The following LRIF1 variants were observed in gnomAD, a reference collection of about 807,000 sequenced individuals.
LRIF1 encodes ligand-dependent nuclear receptor-interacting factor 1.
LRIF1 carries 32 observed loss-of-function variants against 52.7 expected under a neutral mutation model. The ratio of observed to expected loss-of-function variants is 0.61; its 90% CI spans 0.46 to 0.82. LRIF1 has a LOEUF of 0.82. Ranked by LOEUF, LRIF1 falls within the 40% of genes least tolerant of loss-of-function variation. The probability of loss-of-function intolerance (pLI) is 0.00; values close to 1 mark genes in which losing one functional copy is unlikely to be tolerated. For missense variants in LRIF1, 887 were observed against 892.0 expected (o/e 0.99, Z 0.07); for synonymous variants, 323 against 317.4 (o/e 1.02, Z -0.19).
rs144593529 is a variant in LRIF1, at chr1:110,963,023, A to G, written c.68+598T>C. On this transcript the variant is annotated intron_variant, in intron 1 of 3. Transcript: ENST00000369763. Reference sequence around the variant, plus strand: ...TCCTCATGCCAAATATAAATAGCCAATGAAATGGCACTTCATTACACCCTA... The same window carrying G: ...TCCTCATGCCAAATATAAATAGCCAGTGAAATGGCACTTCATTACACCCTA... Among the ~76,000 whole-genome samples, 23 of 152,316 alleles carry G rather than the reference A, an allele frequency of 1.5e-4. 2 individuals carry two copies. Among genetic ancestry groups the G allele is most frequent in the African/African-American group, 4.3e-4 (18 of 41,572 alleles).
At chr1:110,920,795 A>G in the LRIF1 span, among the ~76,000 whole-genome samples, 4 of 152,332 alleles carry the variant, frequency 2.6e-5, no homozygotes, top group East Asian at 5.8e-4. Flanking sequence ...AAAGGCATAT[A>G]TAGAAAATTC....
downstream of LRIF1, chr1:110,943,443 A>G (rs1344965457): frequency 6.6e-6 from 1 of 152,150 alleles, no homozygotes; most frequent in East Asian, 1.9e-4. Flanking sequence ...GAAAAATAAA[A>G]AAGGAGGCTA....
chr1:110,952,033 G>A lies in LRIF1; in HGVS notation c.851C>T (p.Ser284Phe), dbSNP rs774354049. Residue 284 changes from serine to phenylalanine, a missense_variant, in exon 2 of 4, where the codon TCT becomes TTT. Coordinates refer to ENST00000369763, the MANE Select transcript of LRIF1 (RefSeq NM_018372.4). ...TETQLKGGQH[S>F]QAAPVKWIFQ... ...AATCCATTTCACTGGAGCAGCTTGA[G>A]AATGCTGACCACCTTTCAATTGTGT... 3.1e-6 allele frequency: 5 copies of A among 1,614,070 alleles called. No individual in the cohort carries two copies. In the Admixed American group the frequency reaches 6.7e-5, roughly 22 times the overall value.
chr1:110,904,012 T>TG, the LRIF1 span, among the ~76,000 whole-genome samples: 1 of 152,148 alleles, frequency 6.6e-6, no homozygotes, highest in Middle Eastern at 3.2e-3. Context: ...TGGCTTGTGG[T>TG]GGTAGTGGCT....
At position 110,952,012 on chromosome 1, in the gene LRIF1, C is replaced by A; in HGVS notation, c.872G>T (p.Trp291Leu). The change falls in exon 2 of 4, where the codon TGG becomes TTG. Residue 291 changes from tryptophan (W) to leucine (L), a missense_variant. By Grantham distance (61) the Trp-to-Leu change is moderately conservative. Transcript: ENST00000369763. ...GQHSQAAPVK[W>L]IFQDNLQPFT... Reference sequence around the variant, plus strand: ...AGGCTGTAGATTATCTTGGAAAATCCATTTCACTGGAGCAGCTTGAGAATG... The same window carrying A: ...AGGCTGTAGATTATCTTGGAAAATCAATTTCACTGGAGCAGCTTGAGAATG... 1 of 1,614,108 alleles carries A rather than the reference C, an allele frequency of 6.2e-7. No homozygotes were observed. Among genetic ancestry groups the A allele is most frequent in the Non-Finnish European group, 8.5e-7 (1 of 1,180,000 alleles).
chr1:110,952,100 T>A lies in LRIF1; in HGVS notation c.784A>T (p.Ile262Leu). The part of the protein sequence containing the change: ...KPVTEIAKPV[I>L]LNTTQIPKNV... ...TTTGGAATTTGTGTGGTATTTAGTA[T>A]TACTGGCTTTGCTATTTCTGTAACA... Residue 262 changes from isoleucine (I) to leucine (L), a missense_variant, in exon 2 of 4, where the codon ATA (isoleucine) becomes TTA (leucine). Physicochemically the swap from Ile to Leu is conservative, Grantham distance 5. Transcript: ENST00000369763. 6.2e-7 allele frequency: 1 copy of A among 1,614,216 alleles called. No individual in the cohort carries two copies. Among genetic ancestry groups the A allele is most frequent in the Middle Eastern group, 1.6e-4 (1 of 6,062 alleles).
the LRIF1 span, among the ~76,000 whole-genome samples, chr1:110,889,711 TAGGAAGAA>T: frequency 1.3e-5 from 2 of 152,130 alleles, no homozygotes; most frequent in Non-Finnish European, 2.9e-5. Context: ...CCGTTTTACA[TAGGAAGAA>T]ATTGTGACTG....
the LRIF1 span, chr1:110,895,136 T>C: frequency 4.8e-5 from 50 of 1,051,486 alleles, 1 homozygote; most frequent in Non-Finnish European, 6.2e-5. Context: ...TTCCTTTTTC[T>C]GGAAGTTTCA....
the LRIF1 span, among the ~76,000 whole-genome samples, chr1:110,904,958 CAA>C: frequency 6.6e-6 from 1 of 152,088 alleles, no homozygotes; most frequent in African/African-American, 2.4e-5. Context: ...TAAAAAGAAT[CAA>C]ATTCTGGAGC....
chr1:110,932,573 C>A, the LRIF1 span, among the ~76,000 whole-genome samples: 179 of 152,106 alleles, frequency 1.2e-3, 1 homozygote, highest in Admixed American at 2.6e-3. Context: ...TTACCTTGGG[C>A]AATACGGCCA....
the LRIF1 span, among the ~76,000 whole-genome samples, chr1:110,913,480 TG>T: frequency 6.6e-6 from 1 of 152,200 alleles, no homozygotes; most frequent in African/African-American, 2.4e-5. Context: ...CCATTAAAAA[TG>T]GACAAAGTAT....
At chr1:110,884,327 C>A in the LRIF1 span, among the ~76,000 whole-genome samples, 3 of 151,992 alleles carry the variant, frequency 2.0e-5, no homozygotes, top group Non-Finnish European at 4.4e-5. Context: ...AGGGATATTT[C>A]TGTTATTGAT....
chr1:110,951,993 T>C lies in LRIF1; in HGVS notation c.891A>G (p.Leu297=), dbSNP rs1391743308. ...APVKWIFQDN[L]QPFTPSLVPV... ...GAACAAGAGATGGCGTAAAAGGCTG[T>C]AGATTATCTTGGAAAATCCATTTCA... The change falls in exon 2 of 4, where the codon CTA becomes CTG. Residue 297 remains leucine (L), a synonymous_variant. Coordinates refer to ENST00000369763, the MANE Select transcript of LRIF1 (RefSeq NM_018372.4). 5.5e-5 allele frequency: 88 copies of C among 1,614,216 alleles called. No homozygotes were observed. Among genetic ancestry groups the C allele is most frequent in the Non-Finnish European group, 7.2e-5 (85 of 1,180,026 alleles).
chr1:110,932,947 AG>A, the LRIF1 span, among the ~76,000 whole-genome samples: 1 of 152,186 alleles, frequency 6.6e-6, no homozygotes, highest in African/African-American at 2.4e-5. Flanking sequence ...TAGATTAAAA[AG>A]TTTCCCTCTT....
At chr1:110,905,105 T>TA in the LRIF1 span, among the ~76,000 whole-genome samples, 1 of 151,636 alleles carries the variant, frequency 6.6e-6, no homozygotes, top group Non-Finnish European at 1.5e-5. Flanking sequence ...AAAAAAAGAA[T>TA]AAAAAACAAG....
chr1:110,955,706 C>A (rs1658667751), intron 1 of LRIF1, among the ~76,000 whole-genome samples: 1 of 152,176 alleles, frequency 6.6e-6, no homozygotes. Flanking sequence ...AGCAAGTAGA[C>A]AACTCTTTTT....
chr1:110,955,476 A>G lies in LRIF1; in HGVS notation c.69-2661T>C, dbSNP rs116817487. On this transcript the variant is annotated intron_variant, in intron 1 of 3. Coordinates refer to ENST00000369763, the MANE Select transcript of LRIF1 (RefSeq NM_018372.4). ...TAAAACATTGCAGTGGCCTTCCATT[A>G]TTCTTAGAGTCGTAGGAAGAAAACC... Among the ~76,000 whole-genome samples the G allele has an allele frequency of 2.0e-3, 307 of 152,322 alleles. 1 individual carries two copies. The highest frequency in any genetic ancestry group is 7.0e-3 in the African/African-American group (291 of 41,582).
At chr1:110,957,893 C>T (rs1658772487) in intron 1 of LRIF1, among the ~76,000 whole-genome samples, 1 of 152,110 alleles carries the variant, frequency 6.6e-6, no homozygotes, top group Non-Finnish European at 1.5e-5. Context: ...TTCTTTTTAA[C>T]CCATTTCATC....
chr1:110,945,415 C>T (rs1375656010), downstream of LRIF1, among the ~76,000 whole-genome samples: 2 of 149,842 alleles, frequency 1.3e-5, no homozygotes, highest in Non-Finnish European at 3.0e-5. Flanking sequence ...TTCCTCTTTC[C>T]CCTCCCTCCC....
Sources: allele counts gnomAD v4.1 joint callset (sites outside exome capture counted in the v4.1 genomes callset), GRCh38; gene constraint gnomAD v4.1.1; transcripts MANE v1.5; gene names NCBI Gene and HGNC (gene_info 2026-07-23, HGNC 2026-07-21).